The following COG7 variants were observed in gnomAD, a reference collection of about 807,000 sequenced individuals.
COG7 encodes the protein component of oligomeric golgi complex 7, also known as conserved oligomeric Golgi complex subunit 7.
A neutral mutation model predicts 91.5 loss-of-function variants in COG7; 49 were observed. The observed-to-expected ratio is 0.54, with a 90% CI of 0.43 to 0.68. The LOEUF (loss-of-function observed/expected upper bound fraction) is 0.68, where lower values mean the gene tolerates loss of function less well. Ranked by LOEUF, COG7 falls within the 30% of genes least tolerant of loss-of-function variation. COG7 has a pLI of 0.00. For synonymous variants in COG7, 365 were observed against 388.7 expected (o/e 0.94, Z 0.72); for missense variants, 895 against 961.3 (o/e 0.93, Z 0.91).
intron 7 of COG7, among the ~76,000 whole-genome samples, chr16:23,424,078 A>T (rs1963804038): frequency 1.3e-5 from 2 of 152,168 alleles, no homozygotes; most frequent in African/African-American, 4.8e-5. Context: ...AGGCGGGCAG[A>T]TCACCTGAGG....
At chr16:23,420,181 C>T (rs1963731502) in intron 7 of COG7, among the ~76,000 whole-genome samples, 1 of 152,098 alleles carries the variant, frequency 6.6e-6, no homozygotes, top group Non-Finnish European at 1.5e-5. Context: ...CCAAAAATTC[C>T]TACGTTCAAC....
At chr16:23,440,764 G>C (rs1032197908) in intron 4 of COG7, among the ~76,000 whole-genome samples, 1 of 152,016 alleles carries the variant, frequency 6.6e-6, no homozygotes, top group African/African-American at 2.4e-5. Context: ...GCCGAGAACA[G>C]ATACTTTATT....
At chr16:23,433,703 C>CTTG in intron 5 of COG7, 36 bp from the exon 6 acceptor site, 1 of 1,612,464 alleles carries the variant, frequency 6.2e-7, no homozygotes. Flanking sequence ...TTATTGGGTA[C>CTTG]GTCAACATAG....
chr16:23,451,393 T>C (rs1381443095), intron 1 of COG7, among the ~76,000 whole-genome samples: 1 of 152,134 alleles, frequency 6.6e-6, no homozygotes, highest in African/African-American at 2.4e-5. Flanking sequence ...CAGTGCATGT[T>C]ATTTTTTATA....
chr16:23,392,368 G>A lies in COG7; in HGVS notation c.2146+12C>T. 1 of 1,614,150 alleles carries A rather than the reference G, an allele frequency of 6.2e-7. No individual in the cohort carries two copies. The highest frequency in any genetic ancestry group is 8.5e-7 in the Non-Finnish European group (1 of 1,180,038). On this transcript the variant is annotated intron_variant, in intron 16 of 16. Transcript: ENST00000307149. ...AGCTGTCCCTCCCACCGCCTGTCTT[G>A]TGGGGACCCACCGATGTCAGTGGCC... is the stretch of plus-strand genomic sequence containing the variant.
chr16:23,424,968 A>G, intron 6 of COG7, 21 bp from the exon 7 acceptor site: 2 of 1,577,588 alleles, frequency 1.3e-6, no homozygotes, highest in Admixed American at 1.8e-5. Context: ...AGAGAGGTGT[A>G]CCTGCCTTAG....
chr16:23,438,032 C>A (rs1964038769), intron 4 of COG7, among the ~76,000 whole-genome samples: 1 of 150,046 alleles, frequency 6.7e-6, no homozygotes. Flanking sequence ...TTGCAGCGAG[C>A]CGAGATCAAG....
chr16:23,401,893 C>CA (rs1009990176), intron 13 of COG7, among the ~76,000 whole-genome samples: 6 of 151,820 alleles, frequency 4.0e-5, no homozygotes, highest in Non-Finnish European at 8.8e-5. Context: ...CCGTCTCTAC[C>CA]AAAAAATACA....
intron 10 of COG7, 177 bp downstream of exon 10, chr16:23,413,271 G>A (rs1028211571): frequency 1.7e-6 from 1 of 601,854 alleles, no homozygotes; most frequent in African/African-American, 1.9e-5. Context: ...TTGTTGGTTG[G>A]TTTGGGTTGG....
chr16:23,434,190 A>G (rs1963978022), intron 5 of COG7, among the ~76,000 whole-genome samples: 1 of 152,188 alleles, frequency 6.6e-6, no homozygotes, highest in African/African-American at 2.4e-5. Context: ...CGGGAGGATC[A>G]CTTGAGCCCA....
In COG7 at chr16:23,389,041, C is replaced by T. The variant is rs149289920; in HGVS notation, c.2192G>A (p.Arg731His). The stretch of plus-strand genomic sequence containing the variant: ...TAGCGTCACGATGTGCTGGAGGGTG[C>T]GGGACGGCTGCAGGCCCAGGGCATC... ...VMDALGLQPS[R>H]TLQHIVTLLK... is the part of the protein sequence containing the mutation. The change falls in exon 17 of 17, where the codon CGC becomes CAC. Residue 731 changes from arginine to histidine, a missense_variant. Transcript: ENST00000307149. 86 of 1,613,962 alleles carry T rather than the reference C, an allele frequency of 5.3e-5. No homozygotes were observed. In the African/African-American group the frequency reaches 8.4e-4, roughly 16 times the overall value.
chr16:23,390,444 T>A (rs1471685803), intron 16 of COG7, among the ~76,000 whole-genome samples: 1 of 152,090 alleles, frequency 6.6e-6, no homozygotes, highest in Non-Finnish European at 1.5e-5. Context: ...CCTGAGGTGA[T>A]CCACCCACCT....
chr16:23,426,818 C>CAAAAA (rs1176659874), intron 6 of COG7, among the ~76,000 whole-genome samples: 11 of 59,960 alleles, frequency 1.8e-4, no homozygotes, highest in East Asian at 4.6e-4. Flanking sequence ...AGCAATTGGA[C>CAAAAA]AAAAAAAAAA....
In COG7 at chr16:23,403,779, C is replaced by T. The variant is rs143639857; in HGVS notation, c.1718G>A (p.Arg573Gln). Residue 573 changes from arginine to glutamine, a missense_variant, in exon 13 of 17, where the codon CGG becomes CAG. Physicochemically the swap from Arg to Gln is conservative, Grantham distance 43 (BLOSUM62 1). Coordinates refer to ENST00000307149, the MANE Select transcript of COG7 (RefSeq NM_153603.4). ...CAGCTGGTGGGCCTGCTGGTTAAGC[C>T]GAGTCAGCGCTGCTCGAGGTGCAGC... ...LLAAPRAALT[R>Q]LNQQAHQLAF... The T allele has an allele frequency of 6.4e-4, 1,038 of 1,614,206 alleles. 1 individual carries two copies. The highest frequency in any genetic ancestry group is 5.9e-4 in the Non-Finnish European group (697 of 1,180,024).
chr16:23,433,864 T>C (rs1963972426), intron 5 of COG7, among the ~76,000 whole-genome samples, 197 bp from the exon 6 acceptor site: 1 of 151,934 alleles, frequency 6.6e-6, no homozygotes, highest in African/African-American at 2.4e-5. Flanking sequence ...ATTCACAGCT[T>C]TAATCTGTCA....
chr16:23,428,529 T>C (rs1292724019), intron 6 of COG7, among the ~76,000 whole-genome samples: 1 of 151,332 alleles, frequency 6.6e-6, no homozygotes, highest in Non-Finnish European at 1.5e-5. Flanking sequence ...GAAATGCAAA[T>C]AAAAACCATG....
At position 23,417,377 on chromosome 16, in the gene COG7, T is replaced by C. The variant is rs577202649; in HGVS notation, c.1138-256A>G. The C allele has an allele frequency of 4.3e-5, 23 of 531,460 alleles. No homozygotes were observed. The East Asian group carries it at 7.8e-4, about 18-fold the overall frequency. 32.9% of individuals were successfully genotyped at this position (531,460 alleles called of 1,614,324 possible). ...GTCTACTTGATCCTAATGTTTTTCA[T>C]TGCTTTCCTCTTTTTCTGTGATTAT... is the stretch of plus-strand genomic sequence containing the variant. On this transcript the variant is annotated intron_variant, in intron 8 of 16. Transcript: ENST00000307149.
intron 11 of COG7, among the ~76,000 whole-genome samples, chr16:23,409,089 G>A (rs9302407): frequency 0.081 from 6,910 of 85,068 alleles, 583 homozygotes; most frequent in African/African-American, 0.34. Context: ...GTGTGTGTGT[G>A]CGTGCATGTG....
chr16:23,443,979 C>T (rs1439921782), intron 3 of COG7, among the ~76,000 whole-genome samples: 1 of 151,712 alleles, frequency 6.6e-6, no homozygotes, highest in African/African-American at 2.4e-5. Flanking sequence ...TGGTGAAATC[C>T]CATCTCTACT....
Sources: gnomAD v4.1 joint callset for allele counts (sites outside exome capture counted in the v4.1 genomes callset) on GRCh38, gnomAD v4.1.1 for gene constraint, MANE v1.5 for transcripts, NCBI Gene and HGNC (gene_info 2026-07-23, HGNC 2026-07-21) for gene names.